Variants in TLR4 observed in about 807,000 individuals in gnomAD.
TLR4 encodes toll like receptor 4, also known as toll-like receptor 4.
TLR4 carries 17 observed loss-of-function variants against 27.4 expected under a neutral mutation model. The observed-to-expected ratio is 0.62, with a 90% CI of 0.42 to 0.93. TLR4 has a LOEUF of 0.93. TLR4 is among the 40% of genes least tolerant of loss of function. TLR4 has a pLI of 0.00. For missense variants in TLR4, 926 were observed against 962.3 expected (o/e 0.96, Z 0.50); for synonymous variants, 363 against 365.7 (o/e 0.99, Z 0.08).
At position 117,716,198 on chromosome 9, in the gene TLR4, A is replaced by C. The variant is rs1158532663; in HGVS notation, c.*1550A>C. Reference sequence around the variant, plus strand: ...AACTGCTATATGATCCAGCAATCTCACTTCTGTATATATACCCAAAATAAT... The same window carrying C: ...AACTGCTATATGATCCAGCAATCTCCCTTCTGTATATATACCCAAAATAAT... On this transcript the variant is annotated 3_prime_UTR_variant, in exon 3 of 3. Transcript: ENST00000355622. The C allele has an allele frequency of 6.6e-6, 1 of 152,202 alleles. No individual in the cohort carries two copies. The highest frequency in any genetic ancestry group is 1.5e-5 in the Non-Finnish European group (1 of 68,044). The allele number at this position is 152,202 out of a possible 1,614,324, so 9.4% of individuals were successfully genotyped here. A position where few individuals can be genotyped will look rare whatever the true frequency, so the allele number is the denominator to read the frequency against.
Position 117,712,782 on chromosome 9 carries a change from C to T in TLR4, c.654C>T (p.Ile218=), listed in dbSNP as rs772005774. Reference sequence around the variant, plus strand: ...TGTCCCTGAACCCTATGAACTTTATCCAACCAGGTGCATTTAAAGAAATTA... The same window carrying T: ...TGTCCCTGAACCCTATGAACTTTATTCAACCAGGTGCATTTAAAGAAATTA... The part of the protein sequence containing the change: ...LDLSLNPMNF[I]QPGAFKEIRL... Residue 218 remains isoleucine, a synonymous_variant, in exon 3 of 3, where the codon ATC becomes ATT. Coordinates refer to ENST00000355622, the MANE Select transcript of TLR4 (RefSeq NM_138554.5). 3 of 1,614,000 alleles carry T rather than the reference C, an allele frequency of 1.9e-6. No individual in the cohort carries two copies. The Admixed American group carries it at 5.0e-5, about 27-fold the overall frequency.
intron 2 of TLR4, 173 bp downstream of exon 2, chr9:117,708,902 G>A (rs528691203): frequency 1.3e-6 from 1 of 770,040 alleles, no homozygotes; most frequent in Admixed American, 2.9e-5. Context: ...TATTCTCCAG[G>A]TCTCAGTTTT....
Position 117,716,826 on chromosome 9 carries a change from C to G in TLR4, c.*2178C>G, listed in dbSNP as rs1829356298. On this transcript the variant is annotated 3_prime_UTR_variant, in exon 3 of 3. Coordinates refer to ENST00000355622, the MANE Select transcript of TLR4 (RefSeq NM_138554.5). Reference sequence around the variant, plus strand: ...TGACAGGTATGTGACTATGTCTAAACTCATCAAATTGTATACATTAAATAT... The same window carrying G: ...TGACAGGTATGTGACTATGTCTAAAGTCATCAAATTGTATACATTAAATAT... The G allele has an allele frequency of 6.6e-6, 1 of 152,086 alleles. No individual in the cohort carries two copies. The highest frequency in any genetic ancestry group is 1.5e-5 in the Non-Finnish European group (1 of 68,020). 9.4% of individuals were successfully genotyped at this position (152,086 alleles called of 1,614,324 possible). A position where few individuals can be genotyped will look rare whatever the true frequency, so the allele number is the denominator to read the frequency against.
intron 1 of TLR4, 86 bp downstream of exon 1, chr9:117,704,651 C>CAAA (rs5900307): frequency 5.9e-4 from 490 of 824,462 alleles, no homozygotes; most frequent in Middle Eastern, 9.6e-4. Context: ...TTTATTTTTG[C>CAAA]AAAAAAAAAA....
intron 2 of TLR4, among the ~76,000 whole-genome samples, chr9:117,710,288 G>T (rs1024710677): frequency 1.3e-5 from 2 of 151,732 alleles, no homozygotes; most frequent in African/African-American, 4.8e-5. Context: ...TCCATGTTTG[G>T]ATCCTACTTA....
chr9:117,705,877 T>G (rs1015420735), intron 1 of TLR4, among the ~76,000 whole-genome samples: 1 of 152,166 alleles, frequency 6.6e-6, no homozygotes, highest in African/African-American at 2.4e-5. Context: ...GGCTATTTCT[T>G]CTACCTAGAA....
At position 117,712,936 on chromosome 9, in the gene TLR4, G is replaced by A. The variant is rs1564265693; in HGVS notation, c.808G>A (p.Glu270Lys). 4 of 1,614,092 alleles carry A rather than the reference G, an allele frequency of 2.5e-6. No homozygotes were observed. The highest frequency in any genetic ancestry group is 3.4e-6 in the Non-Finnish European group (4 of 1,179,972). ...AGAATTTAGAAATGAAGGAAACTTG[G>A]AAAAGTTTGACAAATCTGCTCTAGA... ...LGEFRNEGNLEKFDKSALEGL... is the reference protein window; with the variant it reads ...LGEFRNEGNLKKFDKSALEGL... The change falls in exon 3 of 3, where the codon GAA (glutamate) becomes AAA (lysine). Residue 270 changes from glutamate to lysine, a missense_variant. Glu to Lys is a moderately conservative substitution (Grantham distance 56). Coordinates refer to ENST00000355622, the MANE Select transcript of TLR4 (RefSeq NM_138554.5).
rs774501450 is a variant in TLR4, at chr9:117,723,911, G to A, written c.*9263G>A. On this transcript the variant is annotated 3_prime_UTR_variant, in exon 3 of 3. Transcript: ENST00000355622. ...ACTGTTAGTCACAGAGGTACCATTCGACCCCTTGTGCCTCTTACCATATGT... is the reference window on the plus strand; with the variant it reads ...ACTGTTAGTCACAGAGGTACCATTCAACCCCTTGTGCCTCTTACCATATGT... 5 of 152,074 alleles carry A rather than the reference G, an allele frequency of 3.3e-5. No individual in the cohort carries two copies. The highest frequency in any genetic ancestry group is 5.9e-5 in the Non-Finnish European group (4 of 68,044). 9.4% of individuals were successfully genotyped at this position (152,074 alleles called of 1,614,324 possible).
In TLR4 at chr9:117,722,657, G is replaced by A. The variant is rs893572876; in HGVS notation, c.*8009G>A. On this transcript the variant is annotated 3_prime_UTR_variant, in exon 3 of 3. Transcript: ENST00000355622. ...TCTGGCATATTAACAGCTGAGATCA[G>A]ATAAGTGAACAGCGATAGAGGTAGT... 6.6e-6 allele frequency: 1 copy of A among 152,354 alleles called. No individual in the cohort carries two copies. Among genetic ancestry groups the A allele is most frequent in the Admixed American group, 6.5e-5 (1 of 15,296 alleles). 9.4% of individuals were successfully genotyped at this position (152,354 alleles called of 1,614,324 possible).
Position 117,713,922 on chromosome 9 carries a change from G to A in TLR4, c.1794G>A (p.Arg598=). The stretch of plus-strand genomic sequence containing the variant: ...TCCTGCAATGGATCAAGGACCAGAG[G>A]CAGCTCTTGGTGGAAGTTGAACGAA... ...QSFLQWIKDQ[R]QLLVEVERME... is the part of the protein sequence containing the mutation. Residue 598 remains arginine, a synonymous_variant, in exon 3 of 3, where the codon AGG becomes AGA. Coordinates refer to ENST00000355622, the MANE Select transcript of TLR4 (RefSeq NM_138554.5). 1.9e-6 allele frequency: 3 copies of A among 1,614,042 alleles called. No individual in the cohort carries two copies. In the East Asian group the frequency reaches 6.7e-5, roughly 36 times the overall value.
At chr9:117,707,225 A>G (rs537705209) in intron 1 of TLR4, among the ~76,000 whole-genome samples, 1 of 152,328 alleles carries the variant, frequency 6.6e-6, no homozygotes, top group East Asian at 1.9e-4. Context: ...TTGAGGCTCC[A>G]TGGCTTGCAA....
Position 117,713,407 on chromosome 9 carries a change from C to G in TLR4, c.1279C>G (p.Leu427Val). 2.5e-6 allele frequency: 4 copies of G among 1,614,064 alleles called. No individual in the cohort carries two copies. Among genetic ancestry groups the G allele is most frequent in the Non-Finnish European group, 3.4e-6 (4 of 1,179,954 alleles). Residue 427 changes from leucine to valine, a missense_variant, in exon 3 of 3, where the codon CTG becomes GTG. Physicochemically the swap from Leu to Val is conservative, Grantham distance 32. Transcript: ENST00000355622. ...CTTGGGCTTAGAACAACTAGAACAT[C>G]TGGATTTCCAGCATTCCAATTTGAA... ...NFLGLEQLEH[L>V]DFQHSNLKQM...
intron 2 of TLR4, 33 bp downstream of exon 2, chr9:117,708,762 T>G (rs750658388): frequency 6.2e-7 from 1 of 1,612,960 alleles, no homozygotes; most frequent in Non-Finnish European, 8.5e-7. Flanking sequence ...CTGCACAAGG[T>G]GAGGTGTTCA....
chr9:117,711,132 GA>G (rs1308581579), intron 2 of TLR4, among the ~76,000 whole-genome samples: 1 of 152,180 alleles, frequency 6.6e-6, no homozygotes, highest in Non-Finnish European at 1.5e-5. Flanking sequence ...GAGGACTGCA[GA>G]AACACCAAAC....
rs1230780429 is a variant in TLR4 at position 117,722,889 on chromosome 9, T to C, written c.*8241T>C. 2 of 152,240 alleles carry C rather than the reference T, an allele frequency of 1.3e-5. No homozygotes were observed. The highest frequency in any genetic ancestry group is 2.9e-5 in the Non-Finnish European group (2 of 68,034). 9.4% of individuals were successfully genotyped at this position (152,240 alleles called of 1,614,324 possible). On this transcript the variant is annotated 3_prime_UTR_variant, in exon 3 of 3. Transcript: ENST00000355622. ...GGTTACTTTTATTTATAATAAATTT[T>C]GTGACTAGCTAAGAATCAATTATCT...
At position 117,713,658 on chromosome 9, in the gene TLR4, G is replaced by T. The variant is rs5030719; in HGVS notation, c.1530G>T (p.Gln510His). The T allele has an allele frequency of 1.5e-3, 2,346 of 1,614,044 alleles. 27 individuals carry two copies. In the African/African-American group the frequency reaches 0.026, roughly 18 times the overall value. ...FLDLSQCQLE[Q>H]LSPTAFNSLS... Reference sequence around the variant, plus strand: ...ACCTCTCTCAGTGTCAACTGGAGCAGTTGTCTCCAACAGCATTTAACTCAC... The same window carrying T: ...ACCTCTCTCAGTGTCAACTGGAGCATTTGTCTCCAACAGCATTTAACTCAC... Residue 510 changes from glutamine (Q) to histidine (H), a missense_variant, in exon 3 of 3, where the codon CAG (glutamine) becomes CAT (histidine). Coordinates refer to ENST00000355622, the MANE Select transcript of TLR4 (RefSeq NM_138554.5).
At position 117,721,686 on chromosome 9, in the gene TLR4, G is replaced by T. The variant is rs1395328906; in HGVS notation, c.*7038G>T. Reference sequence around the variant, plus strand: ...TAGAAATTCTGGTTCAATATCAGAGGTTAGTCCTAAGGAATTTATATTTTA... The same window carrying T: ...TAGAAATTCTGGTTCAATATCAGAGTTTAGTCCTAAGGAATTTATATTTTA... On this transcript the variant is annotated 3_prime_UTR_variant, in exon 3 of 3. Coordinates refer to ENST00000355622, the MANE Select transcript of TLR4 (RefSeq NM_138554.5). 6.6e-6 allele frequency: 1 copy of T among 152,126 alleles called. No homozygotes were observed. The highest frequency in any genetic ancestry group is 6.5e-5 in the Admixed American group (1 of 15,278). 9.4% of individuals were successfully genotyped at this position (152,126 alleles called of 1,614,324 possible). A position where few individuals can be genotyped will look rare whatever the true frequency, so the allele number is the denominator to read the frequency against.
rs1197054334 is a variant in TLR4 at position 117,717,193 on chromosome 9, T to C, written c.*2545T>C. ...GAAGAATACATCCATTTGAAATGGATGTCTATGGCTGTTTGAGATGAGTTC... is the reference window on the plus strand; with the variant it reads ...GAAGAATACATCCATTTGAAATGGACGTCTATGGCTGTTTGAGATGAGTTC... On this transcript the variant is annotated 3_prime_UTR_variant, in exon 3 of 3. Transcript: ENST00000355622. 2 of 152,140 alleles carry C rather than the reference T, an allele frequency of 1.3e-5. No homozygotes were observed. Among genetic ancestry groups the C allele is most frequent in the African/African-American group, 2.4e-5 (1 of 41,438 alleles). The allele number at this position is 152,140 out of a possible 1,614,324, so 9.4% of individuals were successfully genotyped here.
Position 117,713,789 on chromosome 9 carries a change from A to G in TLR4, c.1661A>G (p.Asn554Ser). The G allele has an allele frequency of 3.7e-6, 6 of 1,614,006 alleles. No homozygotes were observed. Among genetic ancestry groups the G allele is most frequent in the Non-Finnish European group, 5.1e-6 (6 of 1,180,004 alleles). Residue 554 changes from asparagine (N) to serine (S), a missense_variant, in exon 3 of 3, where the codon AAT becomes AGT. Asn to Ser is a conservative substitution (Grantham distance 46). Transcript: ENST00000355622. The stretch of plus-strand genomic sequence containing the variant: ...CTCCAGGTTCTTGATTACAGTCTCA[A>G]TCACATAATGACTTCCAAAAAACAG... ...NSLQVLDYSL[N>S]HIMTSKKQEL...
Sources: gnomAD v4.1 joint callset for allele counts (sites outside exome capture counted in the v4.1 genomes callset) on GRCh38, gnomAD v4.1.1 for gene constraint, MANE v1.5 for transcripts, NCBI Gene and HGNC (gene_info 2026-07-23, HGNC 2026-07-21) for gene names.